Variants in ADH4 observed in about 807,000 individuals in gnomAD.
ADH4 encodes the protein alcohol dehydrogenase 4 (class II), pi polypeptide, also known as all-trans-retinol dehydrogenase [NAD(+)] ADH4.
A neutral mutation model predicts 35.2 loss-of-function variants in ADH4; 31 were observed. The observed-to-expected ratio is 0.88, with a 90% CI of 0.66 to 1.19. ADH4 has a LOEUF of 1.19. Among genes scored for constraint, ADH4 ranks in the 50% most tolerant of loss-of-function variants. The pLI is 0.00. For synonymous variants in ADH4, 171 were observed against 160.2 expected (o/e 1.07, Z -0.51); for missense variants, 476 against 458.3 (o/e 1.04, Z -0.35).
chr4:99,134,832 G>T (rs1729388029), intron 5 of ADH4, among the ~76,000 whole-genome samples: 1 of 150,266 alleles, frequency 6.7e-6, no homozygotes, highest in Non-Finnish European at 1.5e-5. Flanking sequence ...TGGTATCTTG[G>T]CTACTAGATC....
chr4:99,140,721 G>T (rs1332688000), intron 3 of ADH4, among the ~76,000 whole-genome samples: 2 of 151,960 alleles, frequency 1.3e-5, no homozygotes, highest in Admixed American at 6.6e-5. Context: ...TACAAAATTA[G>T]CCGGGTGTGG....
chr4:99,137,848 CA>C (rs1204747631), intron 4 of ADH4, among the ~76,000 whole-genome samples: 3 of 152,094 alleles, frequency 2.0e-5, no homozygotes, highest in African/African-American at 7.2e-5. Flanking sequence ...AAAACATTAC[CA>C]TATATCTCTA....
At chr4:99,137,327 C>T (rs867545983) in intron 4 of ADH4, among the ~76,000 whole-genome samples, 10 of 152,188 alleles carry the variant, frequency 6.6e-5, no homozygotes, top group East Asian at 3.9e-4. Context: ...GAGCTTTCAT[C>T]GTGTTGGCCA....
chr4:99,144,190 A>G lies in ADH4; in HGVS notation c.18+15T>C. On this transcript the variant is annotated intron_variant, in intron 1 of 8. Coordinates refer to ENST00000265512, the MANE Select transcript of ADH4 (RefSeq NM_000670.5). Reference sequence around the variant, plus strand: ...AAAAGCACAAACTGAACAAAGATACAGCTTACTTGCTTACTTTGCCCTTGG... The same window carrying G: ...AAAAGCACAAACTGAACAAAGATACGGCTTACTTGCTTACTTTGCCCTTGG... 6.2e-7 allele frequency: 1 copy of G among 1,613,608 alleles called. No individual in the cohort carries two copies. Among genetic ancestry groups the G allele is most frequent in the South Asian group, 1.1e-5 (1 of 91,072 alleles).
intron 3 of ADH4, among the ~76,000 whole-genome samples, chr4:99,140,255 GTTA>G (rs1476026571): frequency 2.6e-5 from 4 of 152,120 alleles, no homozygotes; most frequent in African/African-American, 9.7e-5. Context: ...TTATATAGAA[GTTA>G]TTATAACATG....
In ADH4 at chr4:99,141,663, C is replaced by T. The variant is rs61734620; in HGVS notation, c.140G>A (p.Cys47Tyr). Residue 47 changes from cysteine to tyrosine, a missense_variant, in exon 3 of 9, where the codon TGC becomes TAC. Physicochemically the swap from Cys to Tyr is radical, Grantham distance 194. Transcript: ENST00000265512. ...VRIQIIATSL[C>Y]HTDATVIDSK... ...ATCGATAACAGTGGCATCAGTATGG[C>T]ACAGAGAGGTAGCAATGATCTACAA... 3.9e-4 allele frequency: 637 copies of T among 1,613,782 alleles called. No individual in the cohort carries two copies. Among genetic ancestry groups the T allele is most frequent in the Middle Eastern group, 8.3e-4 (5 of 6,056 alleles).
chr4:99,138,244 A>G (rs1053454927), intron 4 of ADH4, among the ~76,000 whole-genome samples: 3 of 152,204 alleles, frequency 2.0e-5, no homozygotes, highest in Non-Finnish European at 4.4e-5. Context: ...TTGCAAAAAA[A>G]ATTAGTTCTT....
intron 6 of ADH4, among the ~76,000 whole-genome samples, chr4:99,130,706 T>C (rs1729244274): frequency 6.6e-6 from 1 of 152,178 alleles, no homozygotes; most frequent in Non-Finnish European, 1.5e-5. Context: ...AAATTAATTT[T>C]TAAAATGTTG....
intron 8 of ADH4, among the ~76,000 whole-genome samples, chr4:99,124,791 G>A (rs1215181927): frequency 6.6e-6 from 1 of 152,128 alleles, no homozygotes; most frequent in Non-Finnish European, 1.5e-5. Flanking sequence ...ACTGTTCTCG[G>A]ATCTCCTATA....
chr4:99,130,093 G>C (rs1729226587), intron 6 of ADH4, among the ~76,000 whole-genome samples: 1 of 152,106 alleles, frequency 6.6e-6, no homozygotes, highest in Non-Finnish European at 1.5e-5. Flanking sequence ...TAAAAAAATA[G>C]TGTTAAGGTT....
intron 3 of ADH4, among the ~76,000 whole-genome samples, chr4:99,140,640 G>A (rs1197511898): frequency 2.0e-5 from 3 of 152,050 alleles, no homozygotes; most frequent in Admixed American, 6.6e-5. Context: ...GGCCGAGGTG[G>A]GTGGATCACC....
chr4:99,126,804 A>T, intron 7 of ADH4, 72 bp from the exon 8 acceptor site: 2 of 1,400,606 alleles, frequency 1.4e-6, no homozygotes, highest in Non-Finnish European at 1.9e-6. Context: ...CATTTGCTGA[A>T]TGAATGAAAT....
Position 99,127,249 on chromosome 4 carries a change from C to T in ADH4, c.939G>A (p.Glu313=). The T allele has an allele frequency of 6.2e-7, 1 of 1,611,010 alleles. No homozygotes were observed. Among genetic ancestry groups the T allele is most frequent in the Non-Finnish European group, 8.5e-7 (1 of 1,178,312 alleles). The change falls in exon 7 of 9, where the codon GAG becomes GAA. Residue 313 remains glutamate (E), a synonymous_variant. Coordinates refer to ENST00000265512, the MANE Select transcript of ADH4 (RefSeq NM_000670.5). The part of the protein sequence containing the change: ...GSKGLTIFPE[E]LIIGRTINGT... Reference sequence around the variant, plus strand: ...CATTTATAGTACGGCCGATTATTAGCTCCTCTGGAAAAATAGTCAATCCTT... The same window carrying T: ...CATTTATAGTACGGCCGATTATTAGTTCCTCTGGAAAAATAGTCAATCCTT...
chr4:99,130,792 A>G (rs537348606), intron 6 of ADH4, among the ~76,000 whole-genome samples: 1 of 152,302 alleles, frequency 6.6e-6, no homozygotes, highest in South Asian at 2.1e-4. Flanking sequence ...CAAAACAACG[A>G]AAAACCCCTC....
At position 99,140,578 on chromosome 4, in the gene ADH4, A is replaced by C. The variant is rs191235514; in HGVS notation, c.262+963T>G. On this transcript the variant is annotated intron_variant, in intron 3 of 8. Transcript: ENST00000265512. ...CAGAGTGAGACTCTGTTTCGAACAA[A>C]AAAAAAAGTCTGGGCAAGGTGGCTC... Among the ~76,000 whole-genome samples the C allele has an allele frequency of 3.6e-3, 540 of 151,460 alleles. 1 individual carries two copies. The highest frequency in any genetic ancestry group is 6.1e-3 in the Non-Finnish European group (416 of 67,872).
At chr4:99,144,156 A>T (rs754186731) in intron 1 of ADH4, 49 bp downstream of exon 1, 2 of 1,606,602 alleles carry the variant, frequency 1.2e-6, no homozygotes, top group Non-Finnish European at 1.7e-6. Context: ...CAAACATACA[A>T]GGACACAGAA....
In ADH4 at chr4:99,142,687, G is replaced by T. The variant is rs761301687; in HGVS notation, c.112C>A (p.Arg38Ser). The T allele has an allele frequency of 2.5e-6, 4 of 1,571,298 alleles. No individual in the cohort carries two copies. The highest frequency in any genetic ancestry group is 1.9e-5 in the Admixed American group (1 of 52,216). ...EVAPPKAHEV[R>S]IQIIATSLCH... ...GGAAAGTCTCCACTTACCTGAATGC[G>T]AACTTCATGAGCCTTGGGGGGAGCT... is the stretch of plus-strand genomic sequence containing the variant. Residue 38 changes from arginine (R) to serine (S), a missense_variant, in exon 2 of 9, where the codon CGC becomes AGC. Coordinates refer to ENST00000265512, the MANE Select transcript of ADH4 (RefSeq NM_000670.5).
chr4:99,127,241 A>T lies in ADH4; in HGVS notation c.947T>A (p.Ile316Asn). Reference sequence around the variant, plus strand: ...GAATGTTCCATTTATAGTACGGCCGATTATTAGCTCCTCTGGAAAAATAGT... The same window carrying T: ...GAATGTTCCATTTATAGTACGGCCGTTTATTAGCTCCTCTGGAAAAATAGT... ...GLTIFPEELIIGRTINGTFFG... is the reference protein window; with the variant it reads ...GLTIFPEELINGRTINGTFFG... The change falls in exon 7 of 9, where the codon ATC becomes AAC. Residue 316 changes from isoleucine (I) to asparagine (N), a missense_variant. By Grantham distance (149) the Ile-to-Asn change is moderately radical. Transcript: ENST00000265512. 1.2e-6 allele frequency: 2 copies of T among 1,611,190 alleles called. No individual in the cohort carries two copies. The highest frequency in any genetic ancestry group is 2.2e-5 in the East Asian group (1 of 44,750).
At chr4:99,133,402 A>G (rs1034049993) in intron 5 of ADH4, among the ~76,000 whole-genome samples, 8 of 152,242 alleles carry the variant, frequency 5.3e-5, no homozygotes, top group Non-Finnish European at 7.3e-5. Flanking sequence ...CATCAAAAAG[A>G]AAGAGGGGTT....
Sources: gnomAD v4.1 joint callset for allele counts (sites outside exome capture counted in the v4.1 genomes callset) on GRCh38, gnomAD v4.1.1 for gene constraint, MANE v1.5 for transcripts, NCBI Gene and HGNC (gene_info 2026-07-23, HGNC 2026-07-21) for gene names.